The following ZNF705G variants were observed in gnomAD, a reference collection of about 807,000 sequenced individuals.
The protein encoded by ZNF705G is putative zinc finger protein 705G.
In ZNF705G, 23 loss-of-function variants were observed where a neutral mutation model predicts 19.6. The ratio of observed to expected loss-of-function variants is 1.17; its 90% CI spans 0.84 to 1.66. The LOEUF (loss-of-function observed/expected upper bound fraction) is 1.66, where lower values mean the gene tolerates loss of function less well. Ranked by LOEUF, ZNF705G falls within the 40% of genes most tolerant of loss-of-function variation. The pLI is 0.00. For synonymous variants in ZNF705G, 146 were observed against 117.7 expected (o/e 1.24, Z -1.56); for missense variants, 457 against 354.4 (o/e 1.29, Z -2.32).
In ZNF705G at chr8:7,375,658, C is replaced by T. The variant is rs1346029263; in HGVS notation, c.-72+5794G>A. Among the ~76,000 whole-genome samples the T allele has an allele frequency of 2.1e-5, 2 of 94,176 alleles. 1 individual carries two copies. Among genetic ancestry groups the T allele is most frequent in the Non-Finnish European group, 4.2e-5 (2 of 48,014 alleles). The allele number at this position is 94,176 out of a possible 152,430, so 61.8% of individuals were successfully genotyped here. On this transcript the variant is annotated intron_variant, in intron 2 of 6. Transcript: ENST00000400156. ...TAAAATAGTACACATGATTCAAAGA[C>T]CTCTGAACCGAGAGTAACAACAAAT...
chr8:7,365,351 A>G (rs1467560994), intron 2 of ZNF705G, among the ~76,000 whole-genome samples: 3 of 145,602 alleles, frequency 2.1e-5, no homozygotes, highest in Admixed American at 6.7e-5. Flanking sequence ...ACAGCTTAGT[A>G]TCTCCCTCCA....
Position 7,357,430 on chromosome 8 carries a change from G to C in ZNF705G, c.*546C>G, listed in dbSNP as rs1012807801. On this transcript the variant is annotated 3_prime_UTR_variant, in exon 7 of 7. Transcript: ENST00000400156. ...CATTCACAGAAAATACAAATAAAGG[G>C]TTCATCCAAGTAAAGTTTTCTCATG... 6 of 165,142 alleles carry C rather than the reference G, an allele frequency of 3.6e-5. 1 individual carries two copies. Among genetic ancestry groups the C allele is most frequent in the African/African-American group, 1.5e-4 (6 of 39,130 alleles). The allele number at this position is 165,142 out of a possible 1,614,324, so 10.2% of individuals were successfully genotyped here.
At chr8:7,362,440 C>T (rs1806646378) in intron 3 of ZNF705G, among the ~76,000 whole-genome samples, 1 of 149,546 alleles carries the variant, frequency 6.7e-6, no homozygotes, top group Admixed American at 6.6e-5. Flanking sequence ...ATTTATTGAA[C>T]TCAGCTGCTA....
intron 3 of ZNF705G, among the ~76,000 whole-genome samples, 185 bp downstream of exon 3, chr8:7,362,749 TG>T (rs1464555029): frequency 2.0e-5 from 3 of 149,364 alleles, no homozygotes; most frequent in Admixed American, 6.6e-5. Context: ...GAAAACTTAA[TG>T]GGGGGCCAGA....
chr8:7,384,913 C>A (rs1370537790), intron 1 of ZNF705G, among the ~76,000 whole-genome samples: 1 of 146,268 alleles, frequency 6.8e-6, no homozygotes, highest in Non-Finnish European at 1.5e-5. Flanking sequence ...TAGATATTTT[C>A]TCTGAGCAAG....
chr8:7,363,226 G>T lies in ZNF705G; in HGVS notation c.-71-209C>A, dbSNP rs1806689026. 2.0e-5 allele frequency among the ~76,000 whole-genome samples: 3 copies of T among 148,482 alleles called. 1 individual carries two copies. The highest frequency in any genetic ancestry group is 1.9e-4 in the East Asian group (1 of 5,190). ...TGGTTGCTAATAAAGAAGGAACACA[G>T]ATATCTTGTGAATGAGAACATCAAA... On this transcript the variant is annotated intron_variant, in intron 2 of 6. Coordinates refer to ENST00000400156, the MANE Select transcript of ZNF705G (RefSeq NM_001164457.3).
chr8:7,365,580 C>T (rs1397410156), intron 2 of ZNF705G, among the ~76,000 whole-genome samples: 1 of 149,032 alleles, frequency 6.7e-6, no homozygotes, highest in Non-Finnish European at 1.5e-5. Flanking sequence ...ATTTTGGTCG[C>T]GCTGGTCTAA....
chr8:7,383,973 C>T (rs1460724389), intron 1 of ZNF705G, among the ~76,000 whole-genome samples: 52 of 140,960 alleles, frequency 3.7e-4, no homozygotes, highest in Admixed American at 1.5e-3. Flanking sequence ...GCATACCTTT[C>T]GACCTCTCTA....
intron 2 of ZNF705G, among the ~76,000 whole-genome samples, chr8:7,378,620 T>C (rs1285189157): frequency 8.1e-6 from 1 of 122,962 alleles, no homozygotes. Flanking sequence ...TCTGCAGTTT[T>C]CTTCCTGCAC....
At chr8:7,379,755 A>T (rs1807405680) in intron 2 of ZNF705G, among the ~76,000 whole-genome samples, 1 of 147,212 alleles carries the variant, frequency 6.8e-6, no homozygotes, top group Admixed American at 6.6e-5. Context: ...GCAGGCCCTG[A>T]GACTGCTATA....
intron 2 of ZNF705G, among the ~76,000 whole-genome samples, chr8:7,367,891 A>G (rs564381568): frequency 1.3e-5 from 2 of 149,938 alleles, no homozygotes; most frequent in Non-Finnish European, 2.9e-5. Flanking sequence ...TGGTAACAGT[A>G]TCATTGTAAG....
rs1171671381 is a variant in ZNF705G at position 7,384,531 on chromosome 8, C to A, written c.-222+967G>T. 6.2e-5 allele frequency among the ~76,000 whole-genome samples: 9 copies of A among 146,046 alleles called. 3 individuals carry two copies. The highest frequency in any genetic ancestry group is 2.5e-4 in the African/African-American group (9 of 35,612). On this transcript the variant is annotated intron_variant, in intron 1 of 6. Transcript: ENST00000400156. ...TAACCTGTAAGAGGAACTTTTAAGT[C>A]AACTTCTGGATACCTGAAATCACAC...
At position 7,359,089 on chromosome 8, in the gene ZNF705G, G is replaced by C. The variant is rs749513958; in HGVS notation, c.319-529C>G. On this transcript the variant is annotated intron_variant, in intron 6 of 6. Transcript: ENST00000400156. ...CACTGAGCCAGAAAAATGCATGAAT[G>C]ACTATTTTTTCTACCCACCTTTTAC... is the stretch of plus-strand genomic sequence containing the variant. Among the ~76,000 whole-genome samples, 292 of 149,588 alleles carry C rather than the reference G, an allele frequency of 2.0e-3. 6 individuals are homozygous for C. Among genetic ancestry groups the C allele is most frequent in the Non-Finnish European group, 3.5e-3 (236 of 67,942 alleles).
chr8:7,358,148 T>C lies in ZNF705G; in HGVS notation c.731A>G (p.Gln244Arg), dbSNP rs1375914498. The change falls in exon 7 of 7, where the codon CAA (glutamine) becomes CGA (arginine). Residue 244 changes from glutamine (Q) to arginine (R), a missense_variant. Gln to Arg is a conservative substitution (Grantham distance 43). Transcript: ENST00000400156. ...GKVFIQSFNL[Q>R]RHERTHLGKK... ...TCCAAGGTGAGTTCTCTCATGTCTT[T>C]GAAGGTTAAAGGATTGAATAAAGAC... is the stretch of plus-strand genomic sequence containing the variant. The C allele has an allele frequency of 6.2e-6, 10 of 1,607,434 alleles. No individual in the cohort carries two copies. The highest frequency in any genetic ancestry group is 3.3e-5 in the Admixed American group (2 of 59,920).
rs1391876718 is a variant in ZNF705G, at chr8:7,357,428, G to C, written c.*548C>G. ...TTCATTCACAGAAAATACAAATAAA[G>C]GGTTCATCCAAGTAAAGTTTTCTCA... On this transcript the variant is annotated 3_prime_UTR_variant, in exon 7 of 7. Coordinates refer to ENST00000400156, the MANE Select transcript of ZNF705G (RefSeq NM_001164457.3). 6.1e-6 allele frequency: 1 copy of C among 164,078 alleles called. No homozygotes were observed. The highest frequency in any genetic ancestry group is 2.6e-5 in the African/African-American group (1 of 39,148). The allele number at this position is 164,078 out of a possible 1,614,324, so 10.2% of individuals were successfully genotyped here.
At position 7,355,825 on chromosome 8, in the gene ZNF705G, G is replaced by C. The variant is rs530493823; in HGVS notation, c.*2151C>G. 1 of 149,490 alleles carries C rather than the reference G, an allele frequency of 6.7e-6. No individual in the cohort carries two copies. The highest frequency in any genetic ancestry group is 1.5e-5 in the Non-Finnish European group (1 of 68,008). 9.3% of individuals were successfully genotyped at this position (149,490 alleles called of 1,614,324 possible). A position where few individuals can be genotyped will look rare whatever the true frequency, so the allele number is the denominator to read the frequency against. Reference sequence around the variant, plus strand: ...ATAAATAATGATATGAGCTCTGCCTGGACACAGTCCTTGCCTCTCCAACCA... The same window carrying C: ...ATAAATAATGATATGAGCTCTGCCTCGACACAGTCCTTGCCTCTCCAACCA... On this transcript the variant is annotated 3_prime_UTR_variant, in exon 7 of 7. Coordinates refer to ENST00000400156, the MANE Select transcript of ZNF705G (RefSeq NM_001164457.3).
rs1806347216 is a variant in ZNF705G, at chr8:7,357,877, G to T, written c.*99C>A. ...AGAAGTTTATAATTTTCTCTCCAGGGTGAATTTTCTGATGCTCTTTAAGAT... is the reference window on the plus strand; with the variant it reads ...AGAAGTTTATAATTTTCTCTCCAGGTTGAATTTTCTGATGCTCTTTAAGAT... On this transcript the variant is annotated 3_prime_UTR_variant, in exon 7 of 7. Transcript: ENST00000400156. 6 of 1,551,706 alleles carry T rather than the reference G, an allele frequency of 3.9e-6. No individual in the cohort carries two copies. Among genetic ancestry groups the T allele is most frequent in the East Asian group, 4.5e-5 (2 of 44,270 alleles).
chr8:7,357,582 A>T lies in ZNF705G; in HGVS notation c.*394T>A. On this transcript the variant is annotated 3_prime_UTR_variant, in exon 7 of 7. Transcript: ENST00000400156. Reference sequence around the variant, plus strand: ...TGAAGACTTTTAGTTGATTATATTGACAGTTTCAGCTCTCTCATGTCACTT... The same window carrying T: ...TGAAGACTTTTAGTTGATTATATTGTCAGTTTCAGCTCTCTCATGTCACTT... 3.5e-6 allele frequency: 1 copy of T among 287,468 alleles called. No homozygotes were observed. The highest frequency in any genetic ancestry group is 6.2e-6 in the Non-Finnish European group (1 of 160,340). The allele number at this position is 287,468 out of a possible 1,614,324, so 17.8% of individuals were successfully genotyped here.
intron 2 of ZNF705G, among the ~76,000 whole-genome samples, chr8:7,368,415 T>C (rs1009234177): frequency 6.7e-6 from 1 of 149,566 alleles, no homozygotes; most frequent in African/African-American, 2.6e-5. Flanking sequence ...GACTCTATAT[T>C]CTAAAATTCT....
Sources: allele counts gnomAD v4.1 joint callset (sites outside exome capture counted in the v4.1 genomes callset), GRCh38; gene constraint gnomAD v4.1.1; transcripts MANE v1.5; gene names NCBI Gene and HGNC (gene_info 2026-07-23, HGNC 2026-07-21).